Variants in DENND4A observed in about 807,000 individuals in gnomAD.
DENND4A encodes the protein DENN domain containing 4A, also known as C-myc promoter-binding protein.
DENND4A carries 70 observed loss-of-function variants against 199.3 expected under a neutral mutation model. That is an observed-to-expected ratio of 0.35 (90% confidence interval 0.29 to 0.43). The LOEUF (loss-of-function observed/expected upper bound fraction) is 0.43, where lower values mean the gene tolerates loss of function less well. Among genes scored for constraint, DENND4A ranks in the 20% least tolerant of loss-of-function variants. The probability of loss-of-function intolerance (pLI) is 1.00; values close to 1 mark genes in which losing one functional copy is unlikely to be tolerated. For missense variants in DENND4A, 1,723 were observed against 2,255.8 expected, an observed-to-expected ratio of 0.76 and a Z score of 4.78; for synonymous variants, 686 against 766.9, an observed-to-expected ratio of 0.89 and a Z score of 1.74.
At chr15:65,662,665 C>T (rs2075888787) in intron 32 of DENND4A, among the ~76,000 whole-genome samples, 1 of 152,162 alleles carries the variant, frequency 6.6e-6, no homozygotes, top group South Asian at 2.1e-4. Flanking sequence ...TAACTTATTG[C>T]TTATTTTAAA....
intron 7 of DENND4A, among the ~76,000 whole-genome samples, chr15:65,736,332 C>T (rs2076116423): frequency 6.6e-6 from 1 of 152,018 alleles, no homozygotes; most frequent in African/African-American, 2.4e-5. Context: ...GATCTTGGCT[C>T]ACTGCAACCT....
intron 12 of DENND4A, among the ~76,000 whole-genome samples, chr15:65,718,660 C>T (rs1408758960): frequency 6.6e-6 from 1 of 151,560 alleles, no homozygotes; most frequent in Non-Finnish European, 1.5e-5. Context: ...TGTTCTCTCA[C>T]CATCAAGTGA....
intron 23 of DENND4A, among the ~76,000 whole-genome samples, chr15:65,683,058 GAC>G (rs2076636260): frequency 6.6e-6 from 1 of 152,132 alleles, no homozygotes; most frequent in African/African-American, 2.4e-5. Context: ...ACCAAAATGT[GAC>G]ACAGAGACAT....
intron 11 of DENND4A, among the ~76,000 whole-genome samples, chr15:65,724,981 G>A (rs749240371): frequency 1.2e-4 from 18 of 152,220 alleles, no homozygotes; most frequent in Non-Finnish European, 2.2e-4. Context: ...TGTTTGTGGC[G>A]TAAATGAATG....
At chr15:65,750,954 A>C (rs1023027132) in intron 4 of DENND4A, among the ~76,000 whole-genome samples, 2 of 152,176 alleles carry the variant, frequency 1.3e-5, no homozygotes, top group South Asian at 4.1e-4. Flanking sequence ...TTAGATAAAA[A>C]ACTATGGCCT....
At chr15:65,773,002 CAAAAAAAAAA>C (rs61241995) in intron 1 of DENND4A, among the ~76,000 whole-genome samples, 4,802 of 102,190 alleles carry the variant, frequency 0.047, 319 homozygotes, top group African/African-American at 0.17. Context: ...TGTTTCTAAG[CAAAAAAAAAA>C]AAAAAAAAAA....
rs1382963803 is a variant in DENND4A at position 65,737,660 on chromosome 15, A to G, written c.1040+47T>C. On this transcript the variant is annotated intron_variant, in intron 7 of 32. Coordinates refer to ENST00000443035, the MANE Select transcript of DENND4A (RefSeq NM_001320835.1). ...CCAGTTGCCGACACAAATTTGCCACATAATGGAAAGATCTGTCAAATGTTG... is the reference window on the plus strand; with the variant it reads ...CCAGTTGCCGACACAAATTTGCCACGTAATGGAAAGATCTGTCAAATGTTG... 3.3e-6 allele frequency: 5 copies of G among 1,513,756 alleles called. No individual in the cohort carries two copies. The East Asian group carries it at 1.2e-4, about 37-fold the overall frequency. The allele number at this position is 1,513,756 out of a possible 1,614,324, so 93.8% of individuals were successfully genotyped here. A position where few individuals can be genotyped will look rare whatever the true frequency, so the allele number is the denominator to read the frequency against.
intron 1 of DENND4A, among the ~76,000 whole-genome samples, chr15:65,784,238 A>G (rs1253333708): frequency 6.6e-6 from 1 of 152,196 alleles, no homozygotes; most frequent in Non-Finnish European, 1.5e-5. Flanking sequence ...CTGAAATGCC[A>G]TCACAGCCCA....
At chr15:65,779,842 G>T (rs553539281) in intron 1 of DENND4A, among the ~76,000 whole-genome samples, 1 of 152,090 alleles carries the variant, frequency 6.6e-6, no homozygotes, top group Non-Finnish European at 1.5e-5. Flanking sequence ...TAGAGATGGG[G>T]TTTTGCCATG....
rs543554409 is a variant in DENND4A, at chr15:65,790,678, C to G, written c.-102+1332G>C. ...CGAAAATGTTTAATTCTGCCCAAAA[C>G]AGTTTCCAAAAAAGAAGCCAAATAT... On this transcript the variant is annotated intron_variant, in intron 1 of 32. Transcript: ENST00000443035. Among the ~76,000 whole-genome samples the G allele has an allele frequency of 3.9e-5, 6 of 152,212 alleles. No individual in the cohort carries two copies. In the South Asian group the frequency reaches 1.2e-3, roughly 32 times the overall value.
chr15:65,689,256 TATTATA>T (rs2142056336), intron 23 of DENND4A, among the ~76,000 whole-genome samples: 1 of 152,314 alleles, frequency 6.6e-6, no homozygotes, highest in South Asian at 2.1e-4. Flanking sequence ...TTCTTGAACA[TATTATA>T]ATTATTTCAA....
At chr15:65,777,419 C>A (rs1162790568) in intron 1 of DENND4A, among the ~76,000 whole-genome samples, 1 of 151,726 alleles carries the variant, frequency 6.6e-6, no homozygotes, top group Non-Finnish European at 1.5e-5. Flanking sequence ...GTGCCACGAT[C>A]TCAGCTCACT....
intron 14 of DENND4A, among the ~76,000 whole-genome samples, chr15:65,714,670 C>T (rs1277953954): frequency 6.6e-6 from 1 of 152,218 alleles, no homozygotes; most frequent in Non-Finnish European, 1.5e-5. Flanking sequence ...ACTCTCCTCA[C>T]CCTGCTCAGA....
chr15:65,665,879 C>G (rs1046737783), intron 29 of DENND4A, among the ~76,000 whole-genome samples: 1 of 152,158 alleles, frequency 6.6e-6, no homozygotes, highest in African/African-American at 2.4e-5. Flanking sequence ...GCATGCAGCA[C>G]AAGAAGAGAG....
At chr15:65,705,525 G>A (rs541362300) in intron 15 of DENND4A, among the ~76,000 whole-genome samples, 4 of 152,122 alleles carry the variant, frequency 2.6e-5, no homozygotes, top group South Asian at 2.1e-4. Context: ...ACAATATATC[G>A]TTTAAGTCTG....
intron 3 of DENND4A, among the ~76,000 whole-genome samples, chr15:65,755,063 A>G (rs1306264581): frequency 1.3e-5 from 2 of 152,268 alleles, no homozygotes; most frequent in African/African-American, 4.8e-5. Flanking sequence ...AATATTATTC[A>G]GTCATAAAAT....
At chr15:65,699,550 A>G (rs968750067) in intron 20 of DENND4A, among the ~76,000 whole-genome samples, 1 of 150,708 alleles carries the variant, frequency 6.6e-6, no homozygotes, top group Non-Finnish European at 1.5e-5. Flanking sequence ...AAACATACAC[A>G]TAAGATATAT....
Position 65,660,178 on chromosome 15 carries a change from A to T in DENND4A, c.*1673T>A. ...TATTGGAGTGGTATTTACAAAGGAG[A>T]GGCAGATATATGTGCCTAGCACCAG... On this transcript the variant is annotated 3_prime_UTR_variant, in exon 33 of 33. Coordinates refer to ENST00000443035, the MANE Select transcript of DENND4A (RefSeq NM_001320835.1). The T allele has an allele frequency of 1.4e-6, 1 of 736,618 alleles. No homozygotes were observed. The highest frequency in any genetic ancestry group is 2.3e-6 in the Non-Finnish European group (1 of 428,108). The allele number at this position is 736,618 out of a possible 1,614,324, so 45.6% of individuals were successfully genotyped here.
intron 20 of DENND4A, among the ~76,000 whole-genome samples, chr15:65,697,684 C>A (rs1374862444): frequency 6.6e-6 from 1 of 152,110 alleles, no homozygotes; most frequent in Non-Finnish European, 1.5e-5. Context: ...ACAGACAAAC[C>A]AGACATTCTT....
Sources: gnomAD v4.1 joint callset for allele counts (sites outside exome capture counted in the v4.1 genomes callset) on GRCh38, gnomAD v4.1.1 for gene constraint, MANE v1.5 for transcripts, NCBI Gene and HGNC (gene_info 2026-07-23, HGNC 2026-07-21) for gene names.